UNC13C: variants seen among roughly 807,000 people sequenced by gnomAD.
UNC13C encodes the protein protein unc-13 homolog C.
A neutral mutation model predicts 245.4 loss-of-function variants in UNC13C; 174 were observed. That is an observed-to-expected ratio of 0.71 (90% confidence interval 0.63 to 0.80). UNC13C has a LOEUF of 0.80. Ranked by LOEUF, UNC13C falls within the 30% of genes least tolerant of loss-of-function variation. The pLI is 0.00. For missense variants in UNC13C, 2,829 were observed against 2,602.9 expected (o/e 1.09, Z -1.89); for synonymous variants, 992 against 895.1 (o/e 1.11, Z -1.93).
At chr15:54,161,955 A>G (rs977362002) in intron 4 of UNC13C, among the ~76,000 whole-genome samples, 2 of 151,636 alleles carry the variant, frequency 1.3e-5, no homozygotes, top group African/African-American at 4.9e-5. Context: ...TTAAAAAAAA[A>G]TGGCTTTTTC....
At position 54,124,722 on chromosome 15, in the gene UNC13C, CTAAGT is replaced by C. The variant is rs2030917717; in HGVS notation, c.2984-18292_2984-18288del. ...AAGCCCTATGTCTTGAAATTTTCTCCTAAGTTAACTAAGAGTTTTACATTTTTATA... is the reference window on the plus strand; with the variant it reads ...AAGCCCTATGTCTTGAAATTTTCTCCTAACTAAGAGTTTTACATTTTTATA... On this transcript the variant is annotated intron_variant, in intron 2 of 32. Coordinates refer to ENST00000260323, the MANE Select transcript of UNC13C (RefSeq NM_001080534.3). Among the ~76,000 whole-genome samples the C allele has an allele frequency of 3.3e-5, 5 of 152,216 alleles. No homozygotes were observed. In the South Asian group the frequency reaches 1.0e-3, roughly 32 times the overall value.
In UNC13C at chr15:54,331,634, G is replaced by T. The variant is rs112713640; in HGVS notation, c.4426-409G>T. On this transcript the variant is annotated intron_variant, in intron 14 of 32. Transcript: ENST00000260323. ...TGTAAAAAACTGTAATATATTGTCT[G>T]GAGAAGGGGCATGAAGTACAGGAAT... Among the ~76,000 whole-genome samples the T allele has an allele frequency of 5.7e-3, 873 of 152,194 alleles. 4 individuals carry two copies. The highest frequency in any genetic ancestry group is 0.02 in the African/African-American group (835 of 41,542).
chr15:54,522,432 C>T lies in UNC13C; in HGVS notation c.5458-3117C>T, dbSNP rs554428700. Among the ~76,000 whole-genome samples the T allele has an allele frequency of 6.6e-5, 10 of 151,996 alleles. No individual in the cohort carries two copies. In the South Asian group the frequency reaches 1.9e-3, roughly 29 times the overall value. On this transcript the variant is annotated intron_variant, in intron 24 of 32. Transcript: ENST00000260323. ...GGTGGAGGTTGCAGTGAGCCAAGAT[C>T]GGGCCACTGCACTCCAGCCTGGGCA...
intron 4 of UNC13C, among the ~76,000 whole-genome samples, chr15:54,177,809 G>A (rs2033665412): frequency 6.6e-6 from 1 of 151,980 alleles, no homozygotes; most frequent in Non-Finnish European, 1.5e-5. Flanking sequence ...TAGTAAAATA[G>A]AACAGCCATG....
chr15:54,319,537 G>A (rs142927442), intron 13 of UNC13C, among the ~76,000 whole-genome samples: 24 of 151,880 alleles, frequency 1.6e-4, no homozygotes, highest in Non-Finnish European at 2.1e-4. Flanking sequence ...ATTTTTATTC[G>A]TGATTCTTAA....
rs778463857 is a variant in UNC13C, at chr15:54,045,916, G to T, written c.2983+30030G>T. ...TTAATTGGCACTCTTCTATAAAGAAGATTTTATCATCTCCTTTAATTCTCT... is the reference window on the plus strand; with the variant it reads ...TTAATTGGCACTCTTCTATAAAGAATATTTTATCATCTCCTTTAATTCTCT... On this transcript the variant is annotated intron_variant, in intron 2 of 32. Transcript: ENST00000260323. Among the ~76,000 whole-genome samples, 50 of 152,090 alleles carry T rather than the reference G, an allele frequency of 3.3e-4. 1 individual carries two copies. The highest frequency in any genetic ancestry group is 5.9e-4 in the Non-Finnish European group (40 of 67,998).
chr15:54,516,454 G>A (rs548431030), intron 24 of UNC13C, among the ~76,000 whole-genome samples: 4 of 152,232 alleles, frequency 2.6e-5, no homozygotes, highest in South Asian at 2.1e-4. Flanking sequence ...TCTGGGTGAC[G>A]CTGATGCTAC....
intron 19 of UNC13C, among the ~76,000 whole-genome samples, chr15:54,473,883 T>C (rs1268481775): frequency 6.9e-6 from 1 of 144,828 alleles, no homozygotes; most frequent in Admixed American, 6.9e-5. Flanking sequence ...TTCCCCCTCC[T>C]ACCTTGTCAC....
chr15:54,084,513 G>A (rs1273238811), intron 2 of UNC13C, among the ~76,000 whole-genome samples: 1 of 152,090 alleles, frequency 6.6e-6, no homozygotes, highest in Admixed American at 6.5e-5. Flanking sequence ...AAAAGTCAGG[G>A]GTCCTGGGTC....
At chr15:54,499,181 C>T (rs1894088435) in intron 20 of UNC13C, among the ~76,000 whole-genome samples, 1 of 152,046 alleles carries the variant, frequency 6.6e-6, no homozygotes, top group Non-Finnish European at 1.5e-5. Flanking sequence ...GAGAATGGGG[C>T]ATCTCACATG....
intron 3 of UNC13C, among the ~76,000 whole-genome samples, chr15:54,143,306 C>A (rs151271431): frequency 1.6e-4 from 25 of 152,302 alleles, no homozygotes; most frequent in African/African-American, 5.8e-4. Flanking sequence ...TTTCTTAAGT[C>A]TGGCTAATCA....
At chr15:54,529,651 ACTT>A in intron 25 of UNC13C, among the ~76,000 whole-genome samples, 1 of 152,206 alleles carries the variant, frequency 6.6e-6, no homozygotes, top group Non-Finnish European at 1.5e-5. Flanking sequence ...ACATTCCTAA[ACTT>A]CTACTTAAAA....
chr15:54,559,296 G>A (rs1897207401), intron 29 of UNC13C, among the ~76,000 whole-genome samples: 1 of 151,980 alleles, frequency 6.6e-6, no homozygotes, highest in Non-Finnish European at 1.5e-5. Context: ...GCATGGTGAT[G>A]AACCACATTT....
chr15:54,117,048 C>T (rs993697827), intron 2 of UNC13C, among the ~76,000 whole-genome samples: 2 of 151,914 alleles, frequency 1.3e-5, no homozygotes, highest in Admixed American at 1.3e-4. Flanking sequence ...TTTTCATATA[C>T]CATTTGTATG....
the UNC13C span, among the ~76,000 whole-genome samples, chr15:53,933,155 C>T: frequency 3.0e-4 from 46 of 152,266 alleles, no homozygotes; most frequent in South Asian, 5.0e-3. Flanking sequence ...ATCATCTCAG[C>T]CTGGACAATT....
Position 54,113,781 on chromosome 15 carries a change from G to A in UNC13C, c.2984-29237G>A, listed in dbSNP as rs183387598. ...GCAGAGGTTGCAGTGAGCCGAGATC[G>A]CACCACTGCACTCCAGCCTGGGCAA... On this transcript the variant is annotated intron_variant, in intron 2 of 32. Transcript: ENST00000260323. 3.1e-3 allele frequency among the ~76,000 whole-genome samples: 468 copies of A among 152,118 alleles called. 4 individuals are homozygous for A. Among genetic ancestry groups the A allele is most frequent in the African/African-American group, 8.9e-3 (371 of 41,496 alleles).
At position 54,013,241 on chromosome 15, in the gene UNC13C, A is replaced by G; in HGVS notation, c.338A>G (p.Asn113Ser). The change falls in exon 2 of 33, where the codon AAT becomes AGT. Residue 113 changes from asparagine to serine, a missense_variant. Asn to Ser is a conservative substitution (Grantham distance 46). Coordinates refer to ENST00000260323, the MANE Select transcript of UNC13C (RefSeq NM_001080534.3). Reference sequence around the variant, plus strand: ...AATGCTAAAGTAACCAACAGTGATAATGAGGATCTGCTTCAAGAGCTCTCT... The same window carrying G: ...AATGCTAAAGTAACCAACAGTGATAGTGAGGATCTGCTTCAAGAGCTCTCT... ...QKNAKVTNSDNEDLLQELSSI... is the reference protein window; with the variant it reads ...QKNAKVTNSDSEDLLQELSSI... 1 of 1,613,768 alleles carries G rather than the reference A, an allele frequency of 6.2e-7. No homozygotes were observed. Among genetic ancestry groups the G allele is most frequent in the Non-Finnish European group, 8.5e-7 (1 of 1,179,816 alleles).
the UNC13C span, among the ~76,000 whole-genome samples, chr15:53,931,055 C>A: frequency 1.6e-4 from 25 of 152,208 alleles, no homozygotes; most frequent in Admixed American, 1.6e-3. Context: ...CAGCAGTTGA[C>A]AACTGTCGAA....
chr15:54,389,003 A>G (rs2039896591), intron 17 of UNC13C, among the ~76,000 whole-genome samples: 1 of 152,218 alleles, frequency 6.6e-6, no homozygotes, highest in African/African-American at 2.4e-5. Context: ...CATTTAGAAC[A>G]CAAATGTAAC....
Sources: allele counts gnomAD v4.1 joint callset (sites outside exome capture counted in the v4.1 genomes callset), GRCh38; gene constraint gnomAD v4.1.1; transcripts MANE v1.5; gene names NCBI Gene and HGNC (gene_info 2026-07-23, HGNC 2026-07-21).